Variants in TANGO6 observed in about 807,000 individuals in gnomAD.
TANGO6 encodes transport and golgi organization 6 homolog.
A neutral mutation model predicts 114.2 loss-of-function variants in TANGO6; 90 were observed. The ratio of observed to expected loss-of-function variants is 0.79; its 90% CI spans 0.66 to 0.94. The LOEUF is 0.94. Among genes scored for constraint, TANGO6 ranks in the 40% least tolerant of loss-of-function variants. The pLI, the probability that TANGO6 is intolerant of heterozygous loss-of-function variation, is 0.00. For missense variants in TANGO6, 1,274 were observed against 1,315.3 expected, an observed-to-expected ratio of 0.97 and a Z score of 0.49; for synonymous variants, 477 against 509.8, an observed-to-expected ratio of 0.94 and a Z score of 0.87.
At chr16:69,038,828 A>C (rs1487477418) in intron 16 of TANGO6, among the ~76,000 whole-genome samples, 2 of 151,828 alleles carry the variant, frequency 1.3e-5, no homozygotes, top group Non-Finnish European at 2.9e-5. Context: ...AGATCACCTG[A>C]AGTCAGGAGT....
rs1382810780 is a variant in TANGO6 at position 68,860,110 on chromosome 16, A to G, written c.321A>G (p.Glu107=). 2 of 1,613,890 alleles carry G rather than the reference A, an allele frequency of 1.2e-6. No individual in the cohort carries two copies. Among genetic ancestry groups the G allele is most frequent in the Non-Finnish European group, 1.7e-6 (2 of 1,179,904 alleles). ...TGTTGTTGCTTTTGTGCTTGAAGGA[A>G]ACCATGATCCGCCTTGCAGCTAATT... ...QTLLLLLCLK[E]TMIRLAANFN... is the part of the protein sequence containing the mutation. Residue 107 remains glutamate (E), a synonymous_variant, in exon 2 of 18, where the codon GAA becomes GAG. Coordinates refer to ENST00000261778, the MANE Select transcript of TANGO6 (RefSeq NM_024562.2).
intron 14 of TANGO6, chr16:68,933,717 T>C (rs887556992): frequency 1.3e-5 from 2 of 152,230 alleles, no homozygotes; most frequent in African/African-American, 4.8e-5. Context: ...TTCTGCCTTA[T>C]TCTGTTGGCT....
At chr16:69,044,214 A>G (rs945932889) in intron 17 of TANGO6, among the ~76,000 whole-genome samples, 2 of 152,176 alleles carry the variant, frequency 1.3e-5, no homozygotes, top group African/African-American at 2.4e-5. Flanking sequence ...ACAGATTTGC[A>G]CCATCACGCT....
chr16:69,080,101 AAG>A (rs1960443776), intron 17 of TANGO6, among the ~76,000 whole-genome samples: 1 of 152,240 alleles, frequency 6.6e-6, no homozygotes, highest in Admixed American at 6.5e-5. Context: ...AAAAGATAAA[AAG>A]AATTTAAATT....
At chr16:69,066,670 A>G (rs1466767959) in intron 17 of TANGO6, among the ~76,000 whole-genome samples, 1 of 152,128 alleles carries the variant, frequency 6.6e-6, no homozygotes, top group Non-Finnish European at 1.5e-5. Flanking sequence ...CAATACTTTG[A>G]ATTATTTATC....
rs531184071 is a variant in TANGO6 at position 68,953,003 on chromosome 16, T to C, written c.2702-21025T>C. 2.6e-5 allele frequency among the ~76,000 whole-genome samples: 4 copies of C among 151,458 alleles called. No individual in the cohort carries two copies. In the South Asian group the frequency reaches 6.2e-4, roughly 24 times the overall value. ...TTTGGCAATTAGGGTTTTCTTTTTG[T>C]TGTTGTTGTTAATGGCTTAAAATGT... On this transcript the variant is annotated intron_variant, in intron 14 of 17. Coordinates refer to ENST00000261778, the MANE Select transcript of TANGO6 (RefSeq NM_024562.2).
chr16:68,847,974 TG>T (rs1176340204), intron 1 of TANGO6, among the ~76,000 whole-genome samples: 1 of 132,420 alleles, frequency 7.6e-6, no homozygotes, highest in Non-Finnish European at 1.5e-5. Context: ...CACTCCAGCC[TG>T]GGTGACAGAG....
chr16:68,854,019 C>A (rs1222711582), intron 1 of TANGO6, among the ~76,000 whole-genome samples: 1 of 152,108 alleles, frequency 6.6e-6, no homozygotes, highest in East Asian at 1.9e-4. Context: ...AGGATCAATG[C>A]GTTTGTCATA....
chr16:68,855,122 G>A (rs970849771), intron 1 of TANGO6, among the ~76,000 whole-genome samples: 6 of 150,398 alleles, frequency 4.0e-5, no homozygotes, highest in African/African-American at 1.5e-4. Context: ...CAGGAGAATC[G>A]CTTGAACCTG....
intron 16 of TANGO6, among the ~76,000 whole-genome samples, chr16:69,028,812 T>C (rs1959546797): frequency 7.0e-6 from 1 of 142,452 alleles, no homozygotes; most frequent in South Asian, 2.2e-4. Flanking sequence ...CTCAGCCTTC[T>C]GAGTAGCTGG....
intron 9 of TANGO6, among the ~76,000 whole-genome samples, chr16:68,904,448 A>C (rs1238346615): frequency 6.6e-6 from 1 of 152,222 alleles, no homozygotes; most frequent in Non-Finnish European, 1.5e-5. Flanking sequence ...AATACAGGAA[A>C]TATCCTAAGC....
chr16:68,954,452 TTC>T (rs1963506131), intron 14 of TANGO6, among the ~76,000 whole-genome samples: 1 of 152,096 alleles, frequency 6.6e-6, no homozygotes, highest in African/African-American at 2.4e-5. Flanking sequence ...GGCTCTCCTT[TTC>T]TCTCTTTCAT....
At chr16:68,966,512 AT>A (rs546299082) in intron 14 of TANGO6, among the ~76,000 whole-genome samples, 2,773 of 151,760 alleles carry the variant, frequency 0.018, 94 homozygotes, top group African/African-American at 0.064. Flanking sequence ...TCAAAAAAAA[AT>A]AAAATAAAAT....
At chr16:68,875,026 A>G in intron 4 of TANGO6, 128 bp from the exon 5 acceptor site, 2 of 987,220 alleles carry the variant, frequency 2.0e-6, no homozygotes, top group Non-Finnish European at 2.8e-6. Context: ...TATCTTATAG[A>G]AAAAAATAAA....
At chr16:69,065,583 A>T (rs921193349) in intron 17 of TANGO6, among the ~76,000 whole-genome samples, 5 of 152,188 alleles carry the variant, frequency 3.3e-5, no homozygotes, top group Admixed American at 3.3e-4. Flanking sequence ...TAAAAGTGCC[A>T]TTTATCTCTA....
At chr16:68,859,507 C>CCTAGAACAGCTGGACTGAGT in intron 1 of TANGO6, among the ~76,000 whole-genome samples, 1 of 152,310 alleles carries the variant, frequency 6.6e-6, no homozygotes, top group Non-Finnish European at 1.5e-5. Flanking sequence ...ATCCCCAGCA[C>CCTAGAACAGCTGGACTGAGT]CTAGAACAGC....
intron 17 of TANGO6, among the ~76,000 whole-genome samples, chr16:69,067,589 G>A (rs1960235522): frequency 6.6e-6 from 1 of 150,924 alleles, no homozygotes; most frequent in Non-Finnish European, 1.5e-5. Flanking sequence ...GGAGGCCAAG[G>A]CGGGCGGATC....
chr16:68,861,164 GACTT>G (rs1436944921), intron 2 of TANGO6, among the ~76,000 whole-genome samples: 3 of 152,244 alleles, frequency 2.0e-5, no homozygotes, highest in Middle Eastern at 3.4e-3. Context: ...GGGGAGATAA[GACTT>G]ACAGGGATGA....
In TANGO6 at chr16:69,059,005, C is replaced by G. The variant is rs1253670743; in HGVS notation, c.3108+18584C>G. Among the ~76,000 whole-genome samples the G allele has an allele frequency of 1.1e-4, 16 of 150,510 alleles. 1 individual carries two copies. In the Admixed American group the frequency reaches 1.1e-3, roughly 10 times the overall value. ...TCACTGCAACCTCTGCCTCCCAGGT[C>G]TAAGTGATTCTCCTTCCTCAGCCTC... is the stretch of plus-strand genomic sequence containing the variant. On this transcript the variant is annotated intron_variant, in intron 17 of 17. Coordinates refer to ENST00000261778, the MANE Select transcript of TANGO6 (RefSeq NM_024562.2).
Sources: allele counts gnomAD v4.1 joint callset (sites outside exome capture counted in the v4.1 genomes callset), GRCh38; gene constraint gnomAD v4.1.1; transcripts MANE v1.5; gene names NCBI Gene and HGNC (gene_info 2026-07-23, HGNC 2026-07-21).